GFAP: variants seen among roughly 807,000 people sequenced by gnomAD.
The protein encoded by GFAP is glial fibrillary acidic protein.
GFAP carries 38 observed loss-of-function variants against 49.3 expected under a neutral mutation model. That is an observed-to-expected ratio of 0.77 (90% confidence interval 0.60 to 1.01). The LOEUF is 1.01. Among genes scored for constraint, GFAP ranks in the 50% least tolerant of loss-of-function variants. The pLI is 0.00. For missense variants in GFAP, 463 were observed against 579.1 expected (o/e 0.80, Z 2.06); for synonymous variants, 222 against 236.4 (o/e 0.94, Z 0.56).
chr17:44,910,278 TA>T, intron 7 of GFAP: 1 of 1,613,748 alleles, frequency 6.2e-7, no homozygotes, highest in South Asian at 1.1e-5. Flanking sequence ...GACAAGCAGT[TA>T]AAAAAACAAA....
In GFAP at chr17:44,915,380, C is replaced by A. The variant is rs375709542; in HGVS notation, c.107G>T (p.Arg36Leu). 1 of 1,608,230 alleles carries A rather than the reference C, an allele frequency of 6.2e-7. No homozygotes were observed. Among genetic ancestry groups the A allele is most frequent in the Non-Finnish European group, 8.5e-7 (1 of 1,176,222 alleles). Residue 36 changes from arginine to leucine, a missense_variant, in exon 1 of 9, where the codon CGC (arginine) becomes CTC (leucine). Around this residue, in one of 3 missense-constraint regions of GFAP, gnomAD observed 89 missense variants for 87.5 expected, o/e 1.02. Coordinates refer to ENST00000588735, the MANE Select transcript of GFAP (RefSeq NM_002055.5). The surrounding 1 kb of genome is among the most constrained non-coding windows in gnomAD (Gnocchi z 4.1). ...AGGGGGCATTCGAGCCAGGGAGAGGCGGGTGCCAGGACCCAGACGGCGGCC... is the reference window on the plus strand; with the variant it reads ...AGGGGGCATTCGAGCCAGGGAGAGGAGGGTGCCAGGACCCAGACGGCGGCC... Reference protein sequence around the residue: ...APGRRLGPGTRLSLARMPPPL... With the variant: ...APGRRLGPGTLLSLARMPPPL...
chr17:44,904,912 T>A lies in GFAP; in HGVS notation c.*2435A>T. The A allele has an allele frequency of 6.4e-7, 1 of 1,550,592 alleles. No homozygotes were observed. Among genetic ancestry groups the A allele is most frequent in the Non-Finnish European group, 8.7e-7 (1 of 1,146,990 alleles). On this transcript the variant is annotated 3_prime_UTR_variant, in exon 9 of 9. Coordinates refer to ENST00000588735, the MANE Select transcript of GFAP (RefSeq NM_002055.5). ...CTGGCTTCCGGCTGGGTGTGACATC[T>A]CATGGGCACTACCCAGCCTCGTTCT...
At chr17:44,910,383 C>T in intron 7 of GFAP, 6 of 1,607,324 alleles carry the variant, frequency 3.7e-6, no homozygotes, top group Non-Finnish European at 5.1e-6. Context: ...GAATGGGGTG[C>T]AGGGAGGGGA....
chr17:44,911,359 C>A lies in GFAP; in HGVS notation c.1004G>T (p.Gly335Val), dbSNP rs759690553. ...QEALARLEEE[G>V]QSLKDEMARH... ...GGCCATCTCGTCCTTGAGGCTCTGC[C>A]CCTCTTCCTCCAGCCGCGCCAGCGC... Residue 335 changes from glycine to valine, a missense_variant, in exon 6 of 9, where the codon GGG becomes GTG. Physicochemically the swap from Gly to Val is moderately radical, Grantham distance 109. This residue lies in a region of GFAP where 362 missense variants were observed against 445.5 expected (regional missense o/e 0.81). Transcript: ENST00000588735. The A allele has an allele frequency of 6.2e-7, 1 of 1,614,050 alleles. No individual in the cohort carries two copies. The highest frequency in any genetic ancestry group is 1.3e-5 in the African/African-American group (1 of 74,940).
Position 44,915,424 on chromosome 17 carries a change from C to A in GFAP, c.63G>T (p.Met21Ile). The change falls in exon 1 of 9, where the codon ATG becomes ATT. Residue 21 changes from methionine to isoleucine, a missense_variant. By Grantham distance (10) the Met-to-Ile change is conservative. This residue lies in a region of GFAP where 89 missense variants were observed against 87.5 expected (regional missense o/e 1.02). Coordinates refer to ENST00000588735, the MANE Select transcript of GFAP (RefSeq NM_002055.5). The surrounding 1 kb of genome is among the most constrained non-coding windows in gnomAD (Gnocchi z 4.1). ...RRSYVSSGEM[M>I]VGGLAPGRRL... ...GGCGGCCAGGAGCCAGGCCCCCCAC[C>A]ATCATCTCCCCTGAGGAGACGTAGG... 6.2e-7 allele frequency: 1 copy of A among 1,608,430 alleles called. No homozygotes were observed. Among genetic ancestry groups the A allele is most frequent in the Middle Eastern group, 1.7e-4 (1 of 5,966 alleles).
rs755664828 is a variant in GFAP at position 44,903,798 on chromosome 17, C to T, written c.*3549G>A. ...ATGAGCCTTTAATGCCCTGGTTTTG[C>T]CCTGCCCCTCTGACCCCTGCCTCCT... On this transcript the variant is annotated 3_prime_UTR_variant, in exon 9 of 9. Coordinates refer to ENST00000588735, the MANE Select transcript of GFAP (RefSeq NM_002055.5). 1.1e-5 allele frequency: 17 copies of T among 1,529,136 alleles called. No homozygotes were observed. Among genetic ancestry groups the T allele is most frequent in the Admixed American group, 8.2e-5 (4 of 48,838 alleles). 94.7% of individuals were successfully genotyped at this position (1,529,136 alleles called of 1,614,324 possible).
In GFAP at chr17:44,903,846, C is replaced by T; in HGVS notation, c.*3501G>A. On this transcript the variant is annotated 3_prime_UTR_variant, in exon 9 of 9. Coordinates refer to ENST00000588735, the MANE Select transcript of GFAP (RefSeq NM_002055.5). ...CCTTCAGGTATGCACCTGGCCCTCA[C>T]CACTGTGCTCCTGTGGGCATGGGGG... 8 of 1,546,426 alleles carry T rather than the reference C, an allele frequency of 5.2e-6. No homozygotes were observed. The highest frequency in any genetic ancestry group is 7.0e-6 in the Non-Finnish European group (8 of 1,145,330).
chr17:44,915,142 G>A lies in GFAP; in HGVS notation c.345C>T (p.Val115=). 1.2e-6 allele frequency: 2 copies of A among 1,614,132 alleles called. No individual in the cohort carries two copies. The highest frequency in any genetic ancestry group is 4.5e-5 in the East Asian group (2 of 44,874). The part of the protein sequence containing the change: ...RAKEPTKLAD[V]YQAELRELRL... ...GCAGCTCTCGCAGCTCAGCCTGGTAGACGTCTGCCAGCTTGGTGGGCTCCT... is the reference window on the plus strand; with the variant it reads ...GCAGCTCTCGCAGCTCAGCCTGGTAAACGTCTGCCAGCTTGGTGGGCTCCT... Residue 115 remains valine (V), a synonymous_variant, in exon 1 of 9, where the codon GTC becomes GTT. Coordinates refer to ENST00000588735, the MANE Select transcript of GFAP (RefSeq NM_002055.5). The surrounding 1 kb of genome is among the most constrained non-coding windows in gnomAD (Gnocchi z 4.1).
Position 44,910,148 on chromosome 17 carries a change from C to T in GFAP, c.1171+467G>A, listed in dbSNP as rs200468026. ...GAGAGGCAGGCAGCTAACCGCGAGCCGGCGGCGTTCCATTTACAATCTGGT... is the reference window on the plus strand; with the variant it reads ...GAGAGGCAGGCAGCTAACCGCGAGCTGGCGGCGTTCCATTTACAATCTGGT... On this transcript the variant is annotated intron_variant, in intron 7 of 8. Transcript: ENST00000588735. The T allele has an allele frequency of 6.8e-4, 1,097 of 1,613,806 alleles. 1 individual carries two copies. The highest frequency in any genetic ancestry group is 7.0e-4 in the Non-Finnish European group (828 of 1,179,864).
At chr17:44,908,177 C>A (rs768763045) in intron 7 of GFAP, 28 bp from the exon 8 acceptor site, 2 of 1,510,256 alleles carry the variant, frequency 1.3e-6, no homozygotes, top group East Asian at 2.3e-5. Context: ...GGAGGCCTCT[C>A]ATGGACTTTC....
Position 44,904,429 on chromosome 17 carries a change from C to T in GFAP, c.*2918G>A. On this transcript the variant is annotated 3_prime_UTR_variant, in exon 9 of 9. Coordinates refer to ENST00000588735, the MANE Select transcript of GFAP (RefSeq NM_002055.5). Reference sequence around the variant, plus strand: ...TCTGCTACCTGCAGAGCCCAGACCTCTCCCCACGCTACCTCAAGGCCGTGC... The same window carrying T: ...TCTGCTACCTGCAGAGCCCAGACCTTTCCCCACGCTACCTCAAGGCCGTGC... The T allele has an allele frequency of 1.3e-6, 2 of 1,541,322 alleles. No homozygotes were observed. Among genetic ancestry groups the T allele is most frequent in the Non-Finnish European group, 1.8e-6 (2 of 1,140,110 alleles).
At chr17:44,908,215 C>G in intron 7 of GFAP, 66 bp from the exon 8 acceptor site, 1 of 1,124,102 alleles carries the variant, frequency 8.9e-7, no homozygotes, top group Non-Finnish European at 1.4e-6. Context: ...CTCCCATGCC[C>G]GGCTTCCCCA....
intron 3 of GFAP, 45 bp downstream of exon 3, chr17:44,913,683 T>C: frequency 7.2e-7 from 1 of 1,389,400 alleles, no homozygotes; most frequent in South Asian, 1.2e-5. Flanking sequence ...CCTCTCTCAG[T>C]TGCAATCTCT....
In GFAP at chr17:44,906,956, C is replaced by A; in HGVS notation, c.*391G>T. 3 of 312,286 alleles carry A rather than the reference C, an allele frequency of 9.6e-6. No homozygotes were observed. Among genetic ancestry groups the A allele is most frequent in the South Asian group, 3.3e-5 (1 of 29,942 alleles). 19.3% of individuals were successfully genotyped at this position (312,286 alleles called of 1,614,324 possible). A position where few individuals can be genotyped will look rare whatever the true frequency, so the allele number is the denominator to read the frequency against. ...TCAAAGGCACAGTTCCCAGATACTC[C>A]GAGAGAACCTCCATCTCTGGCAACA... On this transcript the variant is annotated 3_prime_UTR_variant, in exon 9 of 9. Coordinates refer to ENST00000588735, the MANE Select transcript of GFAP (RefSeq NM_002055.5).
chr17:44,909,694 A>G (rs2051715091), intron 7 of GFAP: 2 of 949,994 alleles, frequency 2.1e-6, no homozygotes, highest in Non-Finnish European at 2.5e-6. Flanking sequence ...AGCAGGGAAC[A>G]TAAAACTTTA....
chr17:44,912,108 G>GTTTTTTT (rs139660955), intron 4 of GFAP, among the ~76,000 whole-genome samples: 1 of 150,704 alleles, frequency 6.6e-6, no homozygotes, highest in Non-Finnish European at 1.5e-5. Flanking sequence ...TGTTTTGTGT[G>GTTTTTTT]TTTTTGTTTT....
At chr17:44,914,714 CCA>C (rs1454698490) in intron 1 of GFAP, 2 of 447,380 alleles carry the variant, frequency 4.5e-6, no homozygotes. Flanking sequence ...AGCTCGCTGC[CCA>C]CAGTCACAAA....
chr17:44,907,768 A>G (rs1461421896), intron 8 of GFAP: 7 of 561,626 alleles, frequency 1.2e-5, no homozygotes, highest in Non-Finnish European at 2.2e-5. Context: ...ACTAACTTTA[A>G]TTCTCTTTCT....
chr17:44,908,397 C>CTGGCA (rs2051688158), intron 7 of GFAP: 4 of 439,382 alleles, frequency 9.1e-6, no homozygotes, highest in Non-Finnish European at 1.6e-5. Flanking sequence ...AAGCCCTGGC[C>CTGGCA]TGGCACCTGG....
Sources: gnomAD v4.1 joint callset for allele counts (sites outside exome capture counted in the v4.1 genomes callset) on GRCh38, gnomAD v4.1.1 for gene constraint, gnomAD v4.1.1 regional missense constraint, Gnocchi (gnomAD v3.1) non-coding constraint, MANE v1.5 for transcripts, NCBI Gene and HGNC (gene_info 2026-07-23, HGNC 2026-07-21) for gene names.